The following MECOM variants were observed in gnomAD, a reference collection of about 807,000 sequenced individuals.
MECOM encodes the protein MDS1 and EVI1 complex locus.
A neutral mutation model predicts 116.3 loss-of-function variants in MECOM; 13 were observed. The observed-to-expected ratio is 0.11, with a 90% CI of 0.07 to 0.18. MECOM has a LOEUF of 0.18. Ranked by LOEUF, MECOM falls within the 10% of genes least tolerant of loss-of-function variation. MECOM has a pLI of 1.00. For synonymous variants in MECOM, 528 were observed against 535.2 expected, an observed-to-expected ratio of 0.99 and a Z score of 0.19; for missense variants, 1,299 against 1,509.0, an observed-to-expected ratio of 0.86 and a Z score of 2.31.
At chr3:169,363,402 G>A (rs974385216) in intron 2 of MECOM, among the ~76,000 whole-genome samples, 6 of 151,726 alleles carry the variant, frequency 4.0e-5, no homozygotes, top group African/African-American at 4.8e-5. Context: ...TAACTCCATC[G>A]GCCAACATTA....
intron 2 of MECOM, among the ~76,000 whole-genome samples, chr3:169,270,816 T>C (rs1758851435): frequency 6.6e-6 from 1 of 152,142 alleles, no homozygotes; most frequent in Non-Finnish European, 1.5e-5. Context: ...ATACAGACTA[T>C]GCAATAACTG....
At chr3:169,524,723 C>T (rs1043690470) in intron 1 of MECOM, among the ~76,000 whole-genome samples, 2 of 152,156 alleles carry the variant, frequency 1.3e-5, no homozygotes, top group African/African-American at 4.8e-5. Flanking sequence ...GCCTCTCTTG[C>T]TTTAATTTGG....
In MECOM at chr3:169,616,867, T is replaced by C. The variant is rs530255234; in HGVS notation, c.37+46469A>G. On this transcript the variant is annotated intron_variant, in intron 1 of 16. Coordinates refer to ENST00000651503, the MANE Select transcript of MECOM (RefSeq NM_004991.4). ...CAGATGAAGTAGGTTTGTTGAACCT[T>C]AGATGCATAGAGCTCTGAGCCCATT... is the stretch of plus-strand genomic sequence containing the variant. Among the ~76,000 whole-genome samples, 62 of 152,350 alleles carry C rather than the reference T, an allele frequency of 4.1e-4. No homozygotes were observed. The South Asian group carries it at 0.012, about 31-fold the overall frequency.
chr3:169,514,130 T>C (rs1010224403), intron 1 of MECOM, among the ~76,000 whole-genome samples: 8 of 152,212 alleles, frequency 5.3e-5, no homozygotes, highest in African/African-American at 1.9e-4. Context: ...GTCGGTAATC[T>C]AGCACATACC....
chr3:169,239,567 A>T (rs779457936), intron 2 of MECOM, among the ~76,000 whole-genome samples: 1 of 152,148 alleles, frequency 6.6e-6, no homozygotes, highest in South Asian at 2.1e-4. Flanking sequence ...TCAAATAAAA[A>T]GTTCTAGACT....
chr3:169,604,906 C>T (rs1768314039), intron 1 of MECOM, among the ~76,000 whole-genome samples: 1 of 152,138 alleles, frequency 6.6e-6, no homozygotes. Context: ...TTCCCTTTTC[C>T]TCACATGTCT....
intron 2 of MECOM, among the ~76,000 whole-genome samples, chr3:169,328,501 C>CA (rs1289687561): frequency 2.0e-5 from 3 of 152,098 alleles, no homozygotes; most frequent in Admixed American, 6.5e-5. Flanking sequence ...TATTCTGCAC[C>CA]ATGTGAGTGT....
intron 2 of MECOM, among the ~76,000 whole-genome samples, chr3:169,278,459 A>G (rs1008446392): frequency 6.6e-6 from 1 of 152,270 alleles, no homozygotes; most frequent in Non-Finnish European, 1.5e-5. Context: ...AAATGAATGC[A>G]GTAAAAACTT....
At chr3:169,604,225 C>T (rs74937189) in intron 1 of MECOM, among the ~76,000 whole-genome samples, 4,798 of 149,986 alleles carry the variant, frequency 0.032, 237 homozygotes, top group African/African-American at 0.11. Context: ...AGAGAAATCT[C>T]TCTCTCTCTC....
At chr3:169,658,277 A>ACTT (rs1775777012) in intron 1 of MECOM, among the ~76,000 whole-genome samples, 1 of 152,162 alleles carries the variant, frequency 6.6e-6, no homozygotes, top group Non-Finnish European at 1.5e-5. Context: ...AAAAAAATGT[A>ACTT]CCTGGCATCA....
intron 2 of MECOM, among the ~76,000 whole-genome samples, chr3:169,338,524 T>A (rs1723952518): frequency 6.6e-6 from 1 of 151,944 alleles, no homozygotes; most frequent in African/African-American, 2.4e-5. Flanking sequence ...CTGGAGTAAT[T>A]TAGGCCAAAG....
rs186796147 is a variant in MECOM, at chr3:169,088,443, A to T, written c.3585+557T>A. ...TCACTCATTCATTTGTTGAATTTAAATTGACAGGTTTTATTTCCAAATCTG... is the reference window on the plus strand; with the variant it reads ...TCACTCATTCATTTGTTGAATTTAATTTGACAGGTTTTATTTCCAAATCTG... On this transcript the variant is annotated intron_variant, in intron 16 of 16. Transcript: ENST00000651503. 4.7e-4 allele frequency among the ~76,000 whole-genome samples: 72 copies of T among 152,288 alleles called. 2 individuals are homozygous for T. The highest frequency in any genetic ancestry group is 4.4e-5 in the Non-Finnish European group (3 of 68,008).
chr3:169,401,916 C>T (rs1735969337), intron 1 of MECOM, among the ~76,000 whole-genome samples: 1 of 152,150 alleles, frequency 6.6e-6, no homozygotes, highest in South Asian at 2.1e-4. Context: ...CTTGGCCTTC[C>T]TCCTATTGTC....
chr3:169,262,087 C>T (rs1019177867), intron 2 of MECOM, among the ~76,000 whole-genome samples: 3 of 152,194 alleles, frequency 2.0e-5, no homozygotes, highest in Non-Finnish European at 2.9e-5. Context: ...AACTAATGGA[C>T]ACGAGCCAAG....
At chr3:169,641,712 G>A (rs936406892) in intron 1 of MECOM, among the ~76,000 whole-genome samples, 9 of 152,090 alleles carry the variant, frequency 5.9e-5, no homozygotes, top group East Asian at 1.9e-4. Context: ...TCTCATTCCC[G>A]CTTTACAGAT....
intron 12 of MECOM, 62 bp from the exon 13 acceptor site, chr3:169,095,307 T>C (rs2148891808): frequency 7.1e-7 from 1 of 1,417,506 alleles, no homozygotes; most frequent in Non-Finnish European, 9.5e-7. Context: ...TCAAGACTAG[T>C]TAGCCAGCTA....
chr3:169,240,205 C>T (rs1754611234), intron 2 of MECOM, among the ~76,000 whole-genome samples: 1 of 152,104 alleles, frequency 6.6e-6, no homozygotes, highest in African/African-American at 2.4e-5. Context: ...TCTTTGACCC[C>T]CAGACAAATA....
At position 169,369,370 on chromosome 3, in the gene MECOM, A is replaced by C. The variant is rs533545134; in HGVS notation, c.375+11817T>G. 2.2e-3 allele frequency among the ~76,000 whole-genome samples: 204 copies of C among 91,306 alleles called. No homozygotes were observed. In the Middle Eastern group the frequency reaches 0.036, roughly 16 times the overall value. 59.9% of individuals were successfully genotyped at this position (91,306 alleles called of 152,430 possible). Reference sequence around the variant, plus strand: ...TTTTTTTTTTTTTTTTTTTTGAGACAGGGTCTTGCTTTGTTGCCCAGGCTG... The same window carrying C: ...TTTTTTTTTTTTTTTTTTTTGAGACCGGGTCTTGCTTTGTTGCCCAGGCTG... On this transcript the variant is annotated intron_variant, in intron 2 of 16. Coordinates refer to ENST00000651503, the MANE Select transcript of MECOM (RefSeq NM_004991.4).
chr3:169,113,348 C>G (rs1576986149), intron 8 of MECOM, among the ~76,000 whole-genome samples: 1 of 150,142 alleles, frequency 6.7e-6, no homozygotes, highest in East Asian at 1.9e-4. Flanking sequence ...ATATACACTG[C>G]TAGCCACTCT....
Sources: allele counts gnomAD v4.1 joint callset (sites outside exome capture counted in the v4.1 genomes callset), GRCh38; gene constraint gnomAD v4.1.1; transcripts MANE v1.5; gene names NCBI Gene and HGNC (gene_info 2026-07-23, HGNC 2026-07-21).